Variants in ARHGAP25 observed in about 807,000 individuals in gnomAD.
ARHGAP25 encodes rho GTPase-activating protein 25.
In ARHGAP25, 34 loss-of-function variants were observed where a neutral mutation model predicts 71.0. The ratio of observed to expected loss-of-function variants is 0.48; its 90% CI spans 0.36 to 0.64. The LOEUF (loss-of-function observed/expected upper bound fraction) is 0.64, where lower values mean the gene tolerates loss of function less well. Ranked by LOEUF, ARHGAP25 falls within the 30% of genes least tolerant of loss-of-function variation. ARHGAP25 has a pLI of 0.00. For synonymous variants in ARHGAP25, 282 were observed against 296.5 expected (o/e 0.95, Z 0.50); for missense variants, 706 against 805.1 (o/e 0.88, Z 1.49).
rs774929363 is a variant in ARHGAP25 at position 68,822,588 on chromosome 2, CAGG to C, written c.1452_1454del (p.Arg485del). 10 of 1,614,028 alleles carry C rather than the reference CAGG, an allele frequency of 6.2e-6. No homozygotes were observed. The highest frequency in any genetic ancestry group is 1.1e-5 in the South Asian group (1 of 91,084). Reference sequence around the variant, plus strand: ...CAGAGGCTAAGGCAGGGGAAGGGCACAGGAGAACGATGTCTCAAGACTTGCGCC... The same window carrying C: ...CAGAGGCTAAGGCAGGGGAAGGGCACAGAACGATGTCTCAAGACTTGCGCC... On this transcript the variant is annotated inframe_deletion, in exon 10 of 11. Coordinates refer to ENST00000409202, the MANE Select transcript of ARHGAP25 (RefSeq NM_001007231.3).
At chr2:68,792,277 A>C (rs558155550) in intron 4 of ARHGAP25, among the ~76,000 whole-genome samples, 1 of 152,270 alleles carries the variant, frequency 6.6e-6, no homozygotes, top group African/African-American at 2.4e-5. Flanking sequence ...TATTAGTATA[A>C]ATTTATGGAG....
chr2:68,824,008 C>A (rs1435556213), intron 10 of ARHGAP25, among the ~76,000 whole-genome samples: 5 of 152,204 alleles, frequency 3.3e-5, no homozygotes, highest in Non-Finnish European at 7.3e-5. Context: ...AGATTTATGG[C>A]TACGTCTTAG....
intron 1 of ARHGAP25, among the ~76,000 whole-genome samples, chr2:68,751,995 C>T (rs1455127487): frequency 6.6e-6 from 1 of 152,170 alleles, no homozygotes; most frequent in Non-Finnish European, 1.5e-5. Flanking sequence ...GTGCAGGTTC[C>T]TGGCATCCAT....
At chr2:68,766,888 C>T (rs753918505) in intron 1 of ARHGAP25, among the ~76,000 whole-genome samples, 3 of 152,134 alleles carry the variant, frequency 2.0e-5, no homozygotes, top group African/African-American at 7.2e-5. Context: ...CCTCTTCCTG[C>T]AGAACACATA....
chr2:68,734,818 T>C lies in ARHGAP25; in HGVS notation c.-382T>C, dbSNP rs1023180752. On this transcript the variant is annotated 5_prime_UTR_variant, in exon 1 of 11. Coordinates refer to ENST00000409202, the MANE Select transcript of ARHGAP25 (RefSeq NM_001007231.3). Reference sequence around the variant, plus strand: ...ACAAAACCAAGAGGCAGCAGTTGTTTATCACGACCTCAACTCAGTAAGGCC... The same window carrying C: ...ACAAAACCAAGAGGCAGCAGTTGTTCATCACGACCTCAACTCAGTAAGGCC... 7 of 243,454 alleles carry C rather than the reference T, an allele frequency of 2.9e-5. No individual in the cohort carries two copies. Among genetic ancestry groups the C allele is most frequent in the Admixed American group, 5.2e-5 (1 of 19,188 alleles). 15.1% of individuals were successfully genotyped at this position (243,454 alleles called of 1,614,324 possible).
In ARHGAP25 at chr2:68,738,367, G is replaced by A. The variant is rs546214424; in HGVS notation, c.61+3107G>A. Among the ~76,000 whole-genome samples, 448 of 152,226 alleles carry A rather than the reference G, an allele frequency of 2.9e-3. 3 individuals carry two copies. Among genetic ancestry groups the A allele is most frequent in the Middle Eastern group, 0.017 (5 of 294 alleles). On this transcript the variant is annotated intron_variant, in intron 1 of 10. Transcript: ENST00000409202. ...ACATTTTGTACCTTATTTGAACACT[G>A]AAATGCTGGTTCCCCAGTTTCAGGA... is the stretch of plus-strand genomic sequence containing the variant.
At chr2:68,725,829 C>A (rs1002163655) in intron 2 of ARHGAP25, among the ~76,000 whole-genome samples, 1 of 152,122 alleles carries the variant, frequency 6.6e-6, no homozygotes, top group Non-Finnish European at 1.5e-5. Flanking sequence ...AAGTGCTAGG[C>A]CTCCTCTCAC....
Position 68,743,592 on chromosome 2 carries a change from T to C in ARHGAP25, c.61+8332T>C, listed in dbSNP as rs148604035. 7.4e-3 allele frequency among the ~76,000 whole-genome samples: 1,129 copies of C among 152,302 alleles called. 18 individuals are homozygous for C. Among genetic ancestry groups the C allele is most frequent in the African/African-American group, 0.026 (1,073 of 41,558 alleles). On this transcript the variant is annotated intron_variant, in intron 1 of 10. Coordinates refer to ENST00000409202, the MANE Select transcript of ARHGAP25 (RefSeq NM_001007231.3). ...ATTCAGAAGCCAGAAATCCACTTTA[T>C]TAGTGAGTGAGGAATCTCCTTATGC... is the stretch of plus-strand genomic sequence containing the variant.
Position 68,780,279 on chromosome 2 carries a change from T to G in ARHGAP25, c.262-1954T>G, listed in dbSNP as rs373644001. 5.9e-5 allele frequency among the ~76,000 whole-genome samples: 9 copies of G among 152,346 alleles called. No homozygotes were observed. The South Asian group carries it at 1.0e-3, about 18-fold the overall frequency. On this transcript the variant is annotated intron_variant, in intron 2 of 10. Coordinates refer to ENST00000409202, the MANE Select transcript of ARHGAP25 (RefSeq NM_001007231.3). ...GTTACTATTTCTGATGAAATGATTTTGGGTGTCAAAAGACAGTTTGGAGAG... is the reference window on the plus strand; with the variant it reads ...GTTACTATTTCTGATGAAATGATTTGGGGTGTCAAAAGACAGTTTGGAGAG...
At chr2:68,824,992 A>G (rs963925341) in intron 10 of ARHGAP25, among the ~76,000 whole-genome samples, 4 of 152,170 alleles carry the variant, frequency 2.6e-5, no homozygotes, top group African/African-American at 9.7e-5. Flanking sequence ...CAGTCACACA[A>G]TCGGCATGTG....
At chr2:68,773,299 C>T (rs892284173) in intron 1 of ARHGAP25, among the ~76,000 whole-genome samples, 2 of 152,096 alleles carry the variant, frequency 1.3e-5, no homozygotes, top group East Asian at 1.9e-4. Context: ...GAATCACAGG[C>T]GTAGAAGGAG....
chr2:68,713,582 A>G (rs1206069527), intron 2 of ARHGAP25, among the ~76,000 whole-genome samples: 2 of 152,222 alleles, frequency 1.3e-5, no homozygotes, highest in African/African-American at 2.4e-5. Context: ...GCTGGTTTTC[A>G]AAGGGAATGC....
intron 5 of ARHGAP25, among the ~76,000 whole-genome samples, chr2:68,810,747 T>C (rs1266825700): frequency 1.8e-5 from 2 of 112,604 alleles, no homozygotes; most frequent in African/African-American, 3.4e-5. Flanking sequence ...TTTTTTTTTT[T>C]TTTTTGAGAC....
intron 4 of ARHGAP25, among the ~76,000 whole-genome samples, chr2:68,803,594 A>C (rs1680161639): frequency 6.6e-6 from 1 of 152,160 alleles, no homozygotes; most frequent in African/African-American, 2.4e-5. Context: ...ACTTAGACCC[A>C]CGTGGGATCT....
intron 5 of ARHGAP25, among the ~76,000 whole-genome samples, 156 bp downstream of exon 5, chr2:68,807,636 G>A (rs768976811): frequency 3.3e-5 from 5 of 152,184 alleles, no homozygotes; most frequent in Non-Finnish European, 7.4e-5. Context: ...CCCATGATTG[G>A]GAATTTGGGA....
At chr2:68,789,157 T>C (rs566903890) in intron 4 of ARHGAP25, among the ~76,000 whole-genome samples, 1 of 152,138 alleles carries the variant, frequency 6.6e-6, no homozygotes, top group African/African-American at 2.4e-5. Flanking sequence ...CTCAGCCTCC[T>C]GAGTAGCTGG....
At chr2:68,775,963 G>T (rs1226550721) in intron 2 of ARHGAP25, among the ~76,000 whole-genome samples, 1 of 152,202 alleles carries the variant, frequency 6.6e-6, no homozygotes, top group African/African-American at 2.4e-5. Context: ...GAAAAAATAG[G>T]ATGAGCTAGC....
intron 4 of ARHGAP25, among the ~76,000 whole-genome samples, chr2:68,801,703 G>A (rs1006970452): frequency 3.3e-5 from 5 of 152,182 alleles, no homozygotes; most frequent in Non-Finnish European, 5.9e-5. Context: ...GTCTGCCTTT[G>A]AGGGGTCCAC....
At chr2:68,779,606 T>C (rs6734183) in intron 2 of ARHGAP25, among the ~76,000 whole-genome samples, 46,223 of 152,096 alleles carry the variant, frequency 0.3, 7,569 homozygotes, top group Middle Eastern at 0.39. Context: ...TTAAAAGTTA[T>C]AGCTAGAGAA....
Sources: allele counts gnomAD v4.1 joint callset (sites outside exome capture counted in the v4.1 genomes callset), GRCh38; gene constraint gnomAD v4.1.1; transcripts MANE v1.5; gene names NCBI Gene and HGNC (gene_info 2026-07-23, HGNC 2026-07-21).